FOXJ2: variants seen among roughly 807,000 people sequenced by gnomAD.
FOXJ2 encodes forkhead box protein J2.
FOXJ2 carries 18 observed loss-of-function variants against 68.4 expected under a neutral mutation model. The ratio of observed to expected loss-of-function variants is 0.26; its 90% CI spans 0.18 to 0.39. The LOEUF is 0.39. Ranked by LOEUF, FOXJ2 falls within the 10% of genes least tolerant of loss-of-function variation. The pLI, the probability that FOXJ2 is intolerant of heterozygous loss-of-function variation, is 1.00. For missense variants in FOXJ2, 670 were observed against 726.5 expected (o/e 0.92, Z 0.89); for synonymous variants, 274 against 263.2 (o/e 1.04, Z -0.40).
rs74739945 is a variant in FOXJ2, at chr12:8,035,354, C to T, written c.-15+1521C>T. On this transcript the variant is annotated intron_variant, in intron 1 of 10. Transcript: ENST00000162391. This position sits in a 1 kb window ranked among gnomAD's most constrained non-coding sequence, Gnocchi z 4.0. The stretch of plus-strand genomic sequence containing the variant: ...CCACCTGAGGGGAAAGGCTTGGCCT[C>T]CCCCCAGTCAATGGGAGCCCTCGTG... Among the ~76,000 whole-genome samples the T allele has an allele frequency of 8.3e-3, 1,265 of 152,170 alleles. 16 individuals carry two copies. The highest frequency in any genetic ancestry group is 0.029 in the African/African-American group (1,202 of 41,488).
At chr12:8,041,661 C>T (rs887925257) in intron 2 of FOXJ2, among the ~76,000 whole-genome samples, 1 of 152,016 alleles carries the variant, frequency 6.6e-6, no homozygotes. Flanking sequence ...CAGGCATACA[C>T]CACCATGCAC....
At chr12:8,046,087 TA>T (rs1465922646) in intron 6 of FOXJ2, among the ~76,000 whole-genome samples, 1 of 152,244 alleles carries the variant, frequency 6.6e-6, no homozygotes, top group African/African-American at 2.4e-5. Context: ...GGAGGCAAGC[TA>T]GGCTAATAGC....
Position 8,054,032 on chromosome 12 carries a change from A to G in FOXJ2, c.*1182A>G, listed in dbSNP as rs966873017. ...GTGGTAGGAGGATGGGGAGAGGAAAAAAGAGCTGGCAAAGAAATGGATAGG... is the reference window on the plus strand; with the variant it reads ...GTGGTAGGAGGATGGGGAGAGGAAAGAAGAGCTGGCAAAGAAATGGATAGG... On this transcript the variant is annotated 3_prime_UTR_variant, in exon 11 of 11. Coordinates refer to ENST00000162391, the MANE Select transcript of FOXJ2 (RefSeq NM_018416.3). 6.6e-6 allele frequency: 1 copy of G among 152,178 alleles called. No individual in the cohort carries two copies. The highest frequency in any genetic ancestry group is 1.5e-5 in the Non-Finnish European group (1 of 68,030). The allele number at this position is 152,178 out of a possible 1,614,324, so 9.4% of individuals were successfully genotyped here.
chr12:8,048,500 C>T (rs1947071158), intron 7 of FOXJ2, among the ~76,000 whole-genome samples, 197 bp from the exon 8 acceptor site: 1 of 152,270 alleles, frequency 6.6e-6, no homozygotes, highest in Non-Finnish European at 1.5e-5. Flanking sequence ...ATTCTCCTGA[C>T]TATGAGCCTG....
rs901026114 is a variant in FOXJ2, at chr12:8,047,951, C to T, written c.887C>T (p.Pro296Leu). 9.9e-6 allele frequency: 16 copies of T among 1,613,212 alleles called. No homozygotes were observed. Among genetic ancestry groups the T allele is most frequent in the African/African-American group, 2.7e-5 (2 of 74,858 alleles). ...NYYMYQQQQPPPPQQQQQQQQ... is the reference protein window; with the variant it reads ...NYYMYQQQQPLPPQQQQQQQQ... ...TACATGTATCAGCAGCAGCAGCCACCGCCACCTCAACAGCAGCAGCAGCAG... is the reference window on the plus strand; with the variant it reads ...TACATGTATCAGCAGCAGCAGCCACTGCCACCTCAACAGCAGCAGCAGCAG... Residue 296 changes from proline (P) to leucine (L), a missense_variant, in exon 7 of 11, where the codon CCG becomes CTG. Pro to Leu is a moderately conservative substitution (Grantham distance 98). Around this residue, in one of 2 missense-constraint regions of FOXJ2, gnomAD observed 555 missense variants for 562.2 expected, o/e 0.99. Coordinates refer to ENST00000162391, the MANE Select transcript of FOXJ2 (RefSeq NM_018416.3).
At chr12:8,046,350 A>G (rs1169756742) in intron 6 of FOXJ2, among the ~76,000 whole-genome samples, 2 of 152,204 alleles carry the variant, frequency 1.3e-5, no homozygotes, top group Admixed American at 6.5e-5. Flanking sequence ...CCATCCCCCA[A>G]CTTTAAGTTA....
At chr12:8,050,760 A>G in intron 10 of FOXJ2, 140 bp downstream of exon 10, 1 of 965,650 alleles carries the variant, frequency 1.0e-6, no homozygotes, top group Non-Finnish European at 1.6e-6. Flanking sequence ...CCAAGGCTGG[A>G]GGATGGGTTA....
At chr12:8,048,416 A>T in intron 7 of FOXJ2, 127 bp downstream of exon 7, 1 of 1,430,394 alleles carries the variant, frequency 7.0e-7, no homozygotes, top group South Asian at 1.5e-5. Context: ...CCTTCATGTG[A>T]GCTAATCTGA....
At chr12:8,046,724 T>A (rs1565629830) in intron 6 of FOXJ2, among the ~76,000 whole-genome samples, 1 of 152,222 alleles carries the variant, frequency 6.6e-6, no homozygotes, top group South Asian at 2.1e-4. Flanking sequence ...AGGTGAGGCA[T>A]TAGACCTTCT....
Position 8,040,073 on chromosome 12 carries a change from T to C in FOXJ2, c.241T>C (p.Ser81Pro). The change falls in exon 2 of 11, where the codon TCC becomes CCC. Residue 81 changes from serine (S) to proline (P), a missense_variant. Ser to Pro is a moderately conservative substitution (Grantham distance 74, BLOSUM62 -1). Transcript: ENST00000162391. This position sits in a 1 kb window ranked among gnomAD's most constrained non-coding sequence, Gnocchi z 4.0. ...YATLITYAINSSPAKKMTLSE... is the reference protein window; with the variant it reads ...YATLITYAINPSPAKKMTLSE... Reference sequence around the variant, plus strand: ...CACTCTCATCACCTATGCCATCAACTCCTCTCCAGCCAAGAAGATGACCCT... The same window carrying C: ...CACTCTCATCACCTATGCCATCAACCCCTCTCCAGCCAAGAAGATGACCCT... 1 of 1,614,058 alleles carries C rather than the reference T, an allele frequency of 6.2e-7. No individual in the cohort carries two copies. The highest frequency in any genetic ancestry group is 8.5e-7 in the Non-Finnish European group (1 of 1,180,020).
rs1947103240 is a variant in FOXJ2 at position 8,050,558 on chromosome 12, A to G, written c.1574A>G (p.Tyr525Cys). ...SYGHPQAPHL[Y>C]PGPSPMYPIP... ...GGGCACCCACAAGCTCCCCACCTCT[A>G]CCCTGGCCCATCACCAATGTACCCA... is the stretch of plus-strand genomic sequence containing the variant. The change falls in exon 10 of 11, where the codon TAC (tyrosine) becomes TGC (cysteine). Residue 525 changes from tyrosine (Y) to cysteine (C), a missense_variant. By Grantham distance (194) the Tyr-to-Cys change is radical (BLOSUM62 -2). Coordinates refer to ENST00000162391, the MANE Select transcript of FOXJ2 (RefSeq NM_018416.3). 2 of 1,613,150 alleles carry G rather than the reference A, an allele frequency of 1.2e-6. No individual in the cohort carries two copies. The highest frequency in any genetic ancestry group is 2.7e-5 in the African/African-American group (2 of 74,666).
At chr12:8,041,762 G>A (rs764081720) in intron 2 of FOXJ2, among the ~76,000 whole-genome samples, 3 of 151,910 alleles carry the variant, frequency 2.0e-5, no homozygotes, top group South Asian at 2.1e-4. Flanking sequence ...TTCCCATCTC[G>A]GCCTCCCAAG....
intron 1 of FOXJ2, among the ~76,000 whole-genome samples, chr12:8,034,515 C>T (rs1946871852): frequency 6.6e-6 from 1 of 152,182 alleles, no homozygotes; most frequent in Non-Finnish European, 1.5e-5. Context: ...GGAATGCCAA[C>T]TCCCGGGTTA....
chr12:8,048,645 C>T lies in FOXJ2; in HGVS notation c.1226-52C>T, dbSNP rs371405186. On this transcript the variant is annotated intron_variant, in intron 7 of 10. Coordinates refer to ENST00000162391, the MANE Select transcript of FOXJ2 (RefSeq NM_018416.3). ...TAGTCAGCCTGGTATCAGTTGACTG[C>T]TGTCTTACACTTCACTCTATCTTAT... 5.3e-6 allele frequency: 8 copies of T among 1,499,892 alleles called. No homozygotes were observed. In the African/African-American group the frequency reaches 1.1e-4, roughly 21 times the overall value. 92.9% of individuals were successfully genotyped at this position (1,499,892 alleles called of 1,614,324 possible).
At chr12:8,043,894 G>C in intron 4 of FOXJ2, 57 bp from the exon 5 acceptor site, 1 of 1,573,646 alleles carries the variant, frequency 6.4e-7, no homozygotes, top group South Asian at 1.2e-5. Flanking sequence ...GAAACCATGG[G>C]TCTTGGGAGG....
rs12580580 is a variant in FOXJ2, at chr12:8,039,994, G to C, written c.162G>C (p.Leu54=). ...PGSPTDPNAT[L]SKDEAAVHQD... is the part of the protein sequence containing the mutation. ...CACCCACAGATCCTAATGCCACCCT[G>C]AGCAAAGACGAGGCAGCAGTGCACC... The change falls in exon 2 of 11, where the codon CTG becomes CTC. Residue 54 remains leucine (L), a synonymous_variant. Coordinates refer to ENST00000162391, the MANE Select transcript of FOXJ2 (RefSeq NM_018416.3). 11,781 of 1,614,102 alleles carry C rather than the reference G, an allele frequency of 7.3e-3. 340 individuals carry two copies. The East Asian group carries it at 0.084, about 11-fold the overall frequency.
intron 1 of FOXJ2, among the ~76,000 whole-genome samples, chr12:8,036,734 G>A (rs1946900659): frequency 6.6e-6 from 1 of 152,198 alleles, no homozygotes; most frequent in Admixed American, 6.6e-5. Context: ...CTCCAGGGAC[G>A]ATGCTTTGGC....
chr12:8,039,387 GTCTA>G (rs1189500758), intron 1 of FOXJ2, among the ~76,000 whole-genome samples: 5 of 152,160 alleles, frequency 3.3e-5, no homozygotes, highest in Admixed American at 3.3e-4. Flanking sequence ...CGTTCGTGCC[GTCTA>G]TCTGTGCATG....
chr12:8,041,842 C>A (rs1490018224), intron 2 of FOXJ2, among the ~76,000 whole-genome samples: 1 of 151,854 alleles, frequency 6.6e-6, no homozygotes, highest in Non-Finnish European at 1.5e-5. Flanking sequence ...TATGTCCCTG[C>A]TAGCTACCAT....
Sources: allele counts gnomAD v4.1 joint callset (sites outside exome capture counted in the v4.1 genomes callset), GRCh38; gene constraint gnomAD v4.1.1; regional missense constraint gnomAD v4.1.1; non-coding constraint Gnocchi (gnomAD v3.1); transcripts MANE v1.5; gene names NCBI Gene and HGNC (gene_info 2026-07-23, HGNC 2026-07-21).